ERCC8: variants seen among roughly 807,000 people sequenced by gnomAD.
The protein encoded by ERCC8 is DNA excision repair protein ERCC-8.
In ERCC8, 52 loss-of-function variants were observed where a neutral mutation model predicts 54.9. The ratio of observed to expected loss-of-function variants is 0.95; its 90% confidence interval spans 0.76 to 1.19. ERCC8 has a LOEUF of 1.19. Ranked by LOEUF, ERCC8 falls within the 50% of genes most tolerant of loss-of-function variation. ERCC8 has a pLI of 0.00. For synonymous variants in ERCC8, 146 were observed against 157.2 expected (o/e 0.93, Z 0.53); for missense variants, 514 against 466.1 (o/e 1.10, Z -0.95).
intron 11 of ERCC8, among the ~76,000 whole-genome samples, chr5:60,886,323 CT>C (rs1474736779): frequency 2.6e-5 from 4 of 152,094 alleles, no homozygotes; most frequent in African/African-American, 4.8e-5. Context: ...CACTGTCATG[CT>C]TATACTGATT....
At chr5:60,896,393 G>A (rs1017034025) in intron 9 of ERCC8, among the ~76,000 whole-genome samples, 1 of 152,114 alleles carries the variant, frequency 6.6e-6, no homozygotes, top group African/African-American at 2.4e-5. Flanking sequence ...TGTATTTTTA[G>A]TAGAGACGGG....
intron 1 of ERCC8, among the ~76,000 whole-genome samples, chr5:60,932,593 G>C (rs372586432): frequency 6.6e-6 from 1 of 152,186 alleles, no homozygotes; most frequent in Non-Finnish European, 1.5e-5. Context: ...CACTAGGAAA[G>C]GATTCTTGGA....
At chr5:60,931,385 T>A (rs978754728) in intron 1 of ERCC8, among the ~76,000 whole-genome samples, 1 of 152,164 alleles carries the variant, frequency 6.6e-6, no homozygotes, top group Non-Finnish European at 1.5e-5. Flanking sequence ...TAGTTCACTA[T>A]AGCCTCAAAC....
chr5:60,884,525 T>G (rs1181775314), intron 11 of ERCC8, among the ~76,000 whole-genome samples: 4 of 61,702 alleles, frequency 6.5e-5, no homozygotes, highest in Non-Finnish European at 1.3e-4. Context: ...GTGTATGTGT[T>G]TTTTTTTTTT....
At chr5:60,922,722 A>G (rs1749635943) in intron 2 of ERCC8, among the ~76,000 whole-genome samples, 1 of 152,100 alleles carries the variant, frequency 6.6e-6, no homozygotes, top group Admixed American at 6.6e-5. Flanking sequence ...CATTCACTCA[A>G]TTCATTCAAC....
At chr5:60,895,348 T>C (rs933958105) in intron 9 of ERCC8, among the ~76,000 whole-genome samples, 2 of 152,082 alleles carry the variant, frequency 1.3e-5, no homozygotes, top group African/African-American at 2.4e-5. Context: ...GTGCCAGAAA[T>C]GGGTACATGC....
intron 4 of ERCC8, among the ~76,000 whole-genome samples, chr5:60,907,080 T>TA (rs781762912): frequency 5.3e-5 from 8 of 152,334 alleles, no homozygotes; most frequent in Non-Finnish European, 8.8e-5. Flanking sequence ...GACATCACCA[T>TA]AAAAGATTAT....
chr5:60,912,460 G>C (rs950439425), intron 4 of ERCC8, among the ~76,000 whole-genome samples: 2 of 152,140 alleles, frequency 1.3e-5, no homozygotes, highest in Non-Finnish European at 2.9e-5. Context: ...AGACTTTGCT[G>C]AAGTTGCTTA....
intron 7 of ERCC8, 28 bp from the exon 8 acceptor site, chr5:60,899,755 A>G: frequency 6.7e-7 from 1 of 1,493,788 alleles, no homozygotes; most frequent in Non-Finnish European, 9.3e-7. Flanking sequence ...TTACATTGAC[A>G]TATGTAGCTA....
rs773128630 is a variant in ERCC8 at position 60,874,592 on chromosome 5, C to A, written c.*23G>T. The A allele has an allele frequency of 6.2e-7, 1 of 1,608,014 alleles. No homozygotes were observed. Among genetic ancestry groups the A allele is most frequent in the Non-Finnish European group, 8.5e-7 (1 of 1,176,070 alleles). ...CTCATTTAAAAAGTTTCAGCAGAGACAAAAAGGTACTAAAGATGATATTCA... is the reference window on the plus strand; with the variant it reads ...CTCATTTAAAAAGTTTCAGCAGAGAAAAAAAGGTACTAAAGATGATATTCA... On this transcript the variant is annotated 3_prime_UTR_variant, in exon 12 of 12. Coordinates refer to ENST00000676185, the MANE Select transcript of ERCC8 (RefSeq NM_000082.4).
chr5:60,878,244 T>C (rs901766447), intron 11 of ERCC8, among the ~76,000 whole-genome samples: 1 of 152,202 alleles, frequency 6.6e-6, no homozygotes, highest in Admixed American at 6.5e-5. Context: ...GTGGATAAGC[T>C]TTTTGATGTG....
intron 1 of ERCC8, among the ~76,000 whole-genome samples, chr5:60,932,812 G>A (rs979908166): frequency 1.3e-5 from 2 of 152,142 alleles, no homozygotes; most frequent in Non-Finnish European, 2.9e-5. Context: ...AGAGGGAAAA[G>A]AGAAGGGAAA....
chr5:60,876,819 A>T (rs56702003), intron 11 of ERCC8, among the ~76,000 whole-genome samples: 4,857 of 152,134 alleles, frequency 0.032, 191 homozygotes, highest in African/African-American at 0.088. Flanking sequence ...ATTTTCTCCC[A>T]TTCTGTAGGT....
intron 9 of ERCC8, among the ~76,000 whole-genome samples, chr5:60,896,630 G>GT (rs2112484032): frequency 6.6e-6 from 1 of 152,282 alleles, no homozygotes; most frequent in South Asian, 2.1e-4. Flanking sequence ...GGTATCAACC[G>GT]TAAGTATTCT....
intron 1 of ERCC8, among the ~76,000 whole-genome samples, chr5:60,939,233 T>G (rs1262274526): frequency 1.3e-5 from 2 of 152,206 alleles, no homozygotes; most frequent in African/African-American, 4.8e-5. Flanking sequence ...TATTATATAT[T>G]TCCAGCTTGT....
intron 11 of ERCC8, among the ~76,000 whole-genome samples, chr5:60,884,596 T>A (rs1748343537): frequency 6.6e-6 from 1 of 151,766 alleles, no homozygotes; most frequent in Non-Finnish European, 1.5e-5. Flanking sequence ...ATATACTTAT[T>A]TTGTAGTTGG....
chr5:60,941,558 C>T (rs1012954089), intron 1 of ERCC8, among the ~76,000 whole-genome samples: 1 of 152,112 alleles, frequency 6.6e-6, no homozygotes, highest in African/African-American at 2.4e-5. Flanking sequence ...AGATATAAGT[C>T]TACAAGTTCA....
chr5:60,873,224 C>G lies in ERCC8; in HGVS notation c.*1391G>C, dbSNP rs976068054. On this transcript the variant is annotated 3_prime_UTR_variant, in exon 12 of 12. Coordinates refer to ENST00000676185, the MANE Select transcript of ERCC8 (RefSeq NM_000082.4). ...TGTCAGTTAGCTAGATTTAGTCATTCTATAATGTATATATGCTTCAAAACA... is the reference window on the plus strand; with the variant it reads ...TGTCAGTTAGCTAGATTTAGTCATTGTATAATGTATATATGCTTCAAAACA... 6.6e-6 allele frequency among the ~76,000 whole-genome samples: 1 copy of G among 151,990 alleles called. No homozygotes were observed. The highest frequency in any genetic ancestry group is 2.4e-5 in the African/African-American group (1 of 41,370).
At position 60,874,412 on chromosome 5, in the gene ERCC8, A is replaced by C; in HGVS notation, c.*203T>G. 2 of 555,440 alleles carry C rather than the reference A, an allele frequency of 3.6e-6. No individual in the cohort carries two copies. The highest frequency in any genetic ancestry group is 6.4e-6 in the Non-Finnish European group (2 of 313,098). The allele number at this position is 555,440 out of a possible 1,614,324, so 34.4% of individuals were successfully genotyped here. On this transcript the variant is annotated 3_prime_UTR_variant, in exon 12 of 12. Transcript: ENST00000676185. Reference sequence around the variant, plus strand: ...TTCCCAGGCCACAACATCTGGGATCAAGGAACACATTTTGACTAAATAAAC... The same window carrying C: ...TTCCCAGGCCACAACATCTGGGATCCAGGAACACATTTTGACTAAATAAAC...
Sources: allele counts gnomAD v4.1 joint callset (sites outside exome capture counted in the v4.1 genomes callset), GRCh38; gene constraint gnomAD v4.1.1; transcripts MANE v1.5; gene names NCBI Gene and HGNC (gene_info 2026-07-23, HGNC 2026-07-21).